DCAF5: variants seen among roughly 807,000 people sequenced by gnomAD.
DCAF5 encodes DDB1- and CUL4-associated factor 5.
In DCAF5, 9 loss-of-function variants were observed where a neutral mutation model predicts 80.7. That is an observed-to-expected ratio of 0.11 (90% CI 0.07 to 0.19). The LOEUF is 0.19. DCAF5 is among the 10% of genes least tolerant of loss of function. DCAF5 has a pLI of 1.00. For synonymous variants in DCAF5, 433 were observed against 461.9 expected, an observed-to-expected ratio of 0.94 and a Z score of 0.80; for missense variants, 842 against 1,205.7, an observed-to-expected ratio of 0.70 and a Z score of 4.47.
intron 2 of DCAF5, among the ~76,000 whole-genome samples, chr14:69,121,413 G>T (rs186108064): frequency 3.3e-5 from 5 of 152,274 alleles, no homozygotes; most frequent in African/African-American, 9.6e-5. Flanking sequence ...CAGGTTTGAG[G>T]ATGACTCCAA....
intron 5 of DCAF5, 134 bp downstream of exon 5, chr14:69,116,232 G>A (rs3742904): frequency 9.4e-7 from 1 of 1,060,376 alleles, no homozygotes; most frequent in Non-Finnish European, 1.3e-6. Context: ...TGGCTTGAGA[G>A]ACACTATATA....
intron 6 of DCAF5, among the ~76,000 whole-genome samples, chr14:69,080,539 TTCTC>T (rs1319224584): frequency 6.6e-6 from 1 of 152,210 alleles, no homozygotes; most frequent in Non-Finnish European, 1.5e-5. Context: ...GCACAGGTTT[TTCTC>T]TCTGTCTTTT....
chr14:69,137,482 G>A (rs2041230427), intron 1 of DCAF5, among the ~76,000 whole-genome samples: 1 of 152,024 alleles, frequency 6.6e-6, no homozygotes, highest in Non-Finnish European at 1.5e-5. Flanking sequence ...TGCCTGCCTG[G>A]ACTTTTGCAA....
At chr14:69,102,750 C>A (rs1056581888) in intron 5 of DCAF5, among the ~76,000 whole-genome samples, 1 of 152,040 alleles carries the variant, frequency 6.6e-6, no homozygotes, top group Non-Finnish European at 1.5e-5. Context: ...ATGCCTTCTT[C>A]TGGAATACCT....
chr14:69,105,943 A>ATATATATATATC (rs1223858774), intron 5 of DCAF5, among the ~76,000 whole-genome samples: 2 of 74,172 alleles, frequency 2.7e-5, no homozygotes, highest in East Asian at 2.8e-4. Flanking sequence ...ATATATATAT[A>ATATATATATATC]TATCTCCTAT....
chr14:69,071,199 G>A (rs1164811999), intron 7 of DCAF5, among the ~76,000 whole-genome samples: 1 of 152,124 alleles, frequency 6.6e-6, no homozygotes, highest in Non-Finnish European at 1.5e-5. Flanking sequence ...GTGGATATAG[G>A]TCTTACATCT....
rs2037791376 is a variant in DCAF5, at chr14:69,052,401, T to A, written c.*1456A>T. On this transcript the variant is annotated 3_prime_UTR_variant, in exon 9 of 9. Coordinates refer to ENST00000341516, the MANE Select transcript of DCAF5 (RefSeq NM_003861.3). ...ACACCAATCCCAGCTGGGCTCCTAG[T>A]TGTCTAGCACCTTTGCACTCAAGAA... 1 of 152,722 alleles carries A rather than the reference T, an allele frequency of 6.5e-6. No homozygotes were observed. The highest frequency in any genetic ancestry group is 2.4e-5 in the African/African-American group (1 of 41,458). The allele number at this position is 152,722 out of a possible 1,614,324, so 9.5% of individuals were successfully genotyped here.
intron 1 of DCAF5, among the ~76,000 whole-genome samples, chr14:69,132,901 C>T (rs1372235190): frequency 6.6e-6 from 1 of 152,214 alleles, no homozygotes; most frequent in Admixed American, 6.5e-5. Context: ...AAATTATAGT[C>T]CTCCCATCTG....
In DCAF5 at chr14:69,054,686, A is replaced by T. The variant is rs1451700893; in HGVS notation, c.2000T>A (p.Leu667His). 1 of 1,614,116 alleles carries T rather than the reference A, an allele frequency of 6.2e-7. No homozygotes were observed. The highest frequency in any genetic ancestry group is 8.5e-7 in the Non-Finnish European group (1 of 1,180,052). The change falls in exon 9 of 9, where the codon CTC becomes CAC. Residue 667 changes from leucine (L) to histidine (H), a missense_variant. Physicochemically the swap from Leu to His is moderately conservative, Grantham distance 99. Coordinates refer to ENST00000341516, the MANE Select transcript of DCAF5 (RefSeq NM_003861.3). ...ERKIYKAYKW[L>H]RYSYISYSNN... is the part of the protein sequence containing the mutation. ...TGAGTAGGAGATATAAGAGTAGCGG[A>T]GCCACTTGTAAGCTTTATAAATTTT... is the stretch of plus-strand genomic sequence containing the variant.
chr14:69,103,704 T>C (rs1489309792), intron 5 of DCAF5, among the ~76,000 whole-genome samples: 2 of 152,248 alleles, frequency 1.3e-5, no homozygotes, highest in Non-Finnish European at 1.5e-5. Context: ...CATAGCTTCA[T>C]GTAACAATCA....
intron 5 of DCAF5, among the ~76,000 whole-genome samples, chr14:69,102,591 G>GACACACACACACAC (rs143602483): frequency 0.015 from 1,910 of 124,846 alleles, 40 homozygotes; most frequent in African/African-American, 0.041. Context: ...TAAAAACAAA[G>GACACACACACACAC]ACACACACAC....
At chr14:69,136,904 T>G (rs147509629) in intron 1 of DCAF5, among the ~76,000 whole-genome samples, 1 of 152,316 alleles carries the variant, frequency 6.6e-6, no homozygotes, top group East Asian at 1.9e-4. Context: ...AAAATATTAA[T>G]CTTAATATTA....
At position 69,065,121 on chromosome 14, in the gene DCAF5, G is replaced by T. The variant is rs1233473675; in HGVS notation, c.947-2610C>A. Among the ~76,000 whole-genome samples, 6 of 116,226 alleles carry T rather than the reference G, an allele frequency of 5.2e-5. No individual in the cohort carries two copies. In the South Asian group the frequency reaches 1.6e-3, roughly 32 times the overall value. 76.2% of individuals were successfully genotyped at this position (116,226 alleles called of 152,430 possible). A position where few individuals can be genotyped will look rare whatever the true frequency, so the allele number is the denominator to read the frequency against. On this transcript the variant is annotated intron_variant, in intron 7 of 8. Transcript: ENST00000341516. Reference sequence around the variant, plus strand: ...CTTTTTTTTTTTTTTTTTTTGAGACGGAGTCTTGCTCTGTTGCCCAGGCTG... The same window carrying T: ...CTTTTTTTTTTTTTTTTTTTGAGACTGAGTCTTGCTCTGTTGCCCAGGCTG...
chr14:69,110,228 C>CTT (rs150033987), intron 5 of DCAF5, among the ~76,000 whole-genome samples: 4 of 133,882 alleles, frequency 3.0e-5, no homozygotes, highest in African/African-American at 1.1e-4. Context: ...ATGTATTATG[C>CTT]TTTTTTTTTT....
intron 1 of DCAF5, among the ~76,000 whole-genome samples, chr14:69,126,219 G>A (rs758873923): frequency 1.5e-4 from 22 of 148,104 alleles, no homozygotes; most frequent in Admixed American, 6.8e-4. Flanking sequence ...GTGCAATGGC[G>A]CAATCTCAGC....
chr14:69,136,966 T>G (rs757557724), intron 1 of DCAF5, among the ~76,000 whole-genome samples: 28 of 152,354 alleles, frequency 1.8e-4, no homozygotes, highest in Non-Finnish European at 2.6e-4. Context: ...GTATGTATAC[T>G]AAATGTGTAT....
rs2037950289 is a variant in DCAF5 at position 69,055,857 on chromosome 14, C to CA, written c.1075-247dup. ...CTAGAACACAGTATTAGCCTAGTGT[C>CA]AAGAGACCTACCTAAGTCCTGTCTC... is the stretch of plus-strand genomic sequence containing the variant. On this transcript the variant is annotated intron_variant, in intron 8 of 8. Coordinates refer to ENST00000341516, the MANE Select transcript of DCAF5 (RefSeq NM_003861.3). This position sits in a 1 kb window ranked among gnomAD's most constrained non-coding sequence, Gnocchi z 5.6. Among the ~76,000 whole-genome samples the CA allele has an allele frequency of 6.6e-6, 1 of 152,174 alleles. No homozygotes were observed. The highest frequency in any genetic ancestry group is 2.4e-5 in the African/African-American group (1 of 41,432).
chr14:69,137,426 A>G (rs991791958), intron 1 of DCAF5, among the ~76,000 whole-genome samples: 2 of 152,152 alleles, frequency 1.3e-5, no homozygotes, highest in African/African-American at 4.8e-5. Context: ...CCATTCTATG[A>G]GCAATTTCTG....
At chr14:69,144,551 G>A (rs868699848) in intron 1 of DCAF5, among the ~76,000 whole-genome samples, 1 of 151,266 alleles carries the variant, frequency 6.6e-6, no homozygotes, top group Admixed American at 6.6e-5. Context: ...CACTCCAGCC[G>A]GGGCGACAGA....
Sources: gnomAD v4.1 joint callset for allele counts (sites outside exome capture counted in the v4.1 genomes callset) on GRCh38, gnomAD v4.1.1 for gene constraint, Gnocchi (gnomAD v3.1) non-coding constraint, MANE v1.5 for transcripts, NCBI Gene and HGNC (gene_info 2026-07-23, HGNC 2026-07-21) for gene names.